The following ATP12A variants were observed in gnomAD, a reference collection of about 807,000 sequenced individuals.
ATP12A encodes ATPase H+/K+ transporting non-gastric alpha2 subunit.
ATP12A carries 81 observed loss-of-function variants against 111.2 expected under a neutral mutation model. The ratio of observed to expected loss-of-function variants is 0.73; its 90% CI spans 0.61 to 0.88. The LOEUF is 0.88. ATP12A is among the 40% of genes least tolerant of loss of function. The pLI, the probability that ATP12A is intolerant of heterozygous loss-of-function variation, is 0.00. For synonymous variants in ATP12A, 498 were observed against 499.8 expected (o/e 1.00, Z 0.05); for missense variants, 1,196 against 1,313.1 (o/e 0.91, Z 1.38).
intron 11 of ATP12A, among the ~76,000 whole-genome samples, chr13:24,695,571 C>T (rs1044424944): frequency 3.5e-5 from 5 of 142,452 alleles, no homozygotes; most frequent in South Asian, 2.4e-4. Context: ...TGTCTTAGTT[C>T]GGATGGAATT....
chr13:24,708,942 A>AAAGAAAGAAAGGAAGG (rs1555255690), intron 17 of ATP12A, among the ~76,000 whole-genome samples: 17 of 107,790 alleles, frequency 1.6e-4, no homozygotes, highest in African/African-American at 6.0e-4. Context: ...AGAAAGAAAG[A>AAAGAAAGAAAGGAAGG]AAGAAAGAAA....
chr13:24,682,272 AGT>A (rs1291336128), intron 2 of ATP12A, among the ~76,000 whole-genome samples: 10 of 54,472 alleles, frequency 1.8e-4, no homozygotes, highest in Admixed American at 4.2e-4. Context: ...GTGTGTGTGT[AGT>A]GTGTGGTGTG....
At chr13:24,708,626 G>GCTACAGGAGTCCTAGCTACATTGGC (rs1271051485) in intron 17 of ATP12A, among the ~76,000 whole-genome samples, 8 of 152,056 alleles carry the variant, frequency 5.3e-5, no homozygotes, top group Admixed American at 5.2e-4. Context: ...CTGTAGCCTA[G>GCTACAGGAGTCCTAGCTACATTGGC]CTACTCAGGA....
chr13:24,709,647 C>G, intron 18 of ATP12A, 36 bp from the exon 19 acceptor site: 4 of 1,609,006 alleles, frequency 2.5e-6, no homozygotes, highest in East Asian at 2.2e-5. Context: ...CTGAGGCCAT[C>G]ATAGAACCTG....
chr13:24,711,379 C>A lies in ATP12A; in HGVS notation c.3061C>A (p.Arg1021=), dbSNP rs143767595. The A allele has an allele frequency of 5.0e-6, 8 of 1,612,110 alleles. No homozygotes were observed. The highest frequency in any genetic ancestry group is 6.8e-6 in the Non-Finnish European group (8 of 1,179,106). Residue 1021 remains arginine, a synonymous_variant, in exon 22 of 23, where the codon CGG becomes AGG. Transcript: ENST00000381946. ...CCTGATCTGGGTGTATGATGAGGTG[C>A]GGAAGCTCTTCATCAGGCTCTACCC... ...AILIWVYDEV[R]KLFIRLYPGS...
Position 24,680,769 on chromosome 13 carries a change from C to T in ATP12A, c.9+17C>T, listed in dbSNP as rs1188954082. 13 of 1,488,336 alleles carry T rather than the reference C, an allele frequency of 8.7e-6. No homozygotes were observed. The highest frequency in any genetic ancestry group is 2.2e-5 in the Admixed American group (1 of 44,476). The allele number at this position is 1,488,336 out of a possible 1,614,324, so 92.2% of individuals were successfully genotyped here. ...ATGCACCAGGTGCGTGCAGCCCCCGCGCCGGCCGAGGATGCGAGACGCTGG... is the reference window on the plus strand; with the variant it reads ...ATGCACCAGGTGCGTGCAGCCCCCGTGCCGGCCGAGGATGCGAGACGCTGG... On this transcript the variant is annotated intron_variant, in intron 1 of 22. Coordinates refer to ENST00000381946, the MANE Select transcript of ATP12A (RefSeq NM_001676.7).
chr13:24,705,639 A>G (rs1288749309), intron 14 of ATP12A, among the ~76,000 whole-genome samples: 1 of 152,186 alleles, frequency 6.6e-6, no homozygotes, highest in Non-Finnish European at 1.5e-5. Context: ...TCTAGGACCC[A>G]AAACATATGA....
chr13:24,687,149 C>A (rs1321997361), intron 3 of ATP12A, among the ~76,000 whole-genome samples: 1 of 151,846 alleles, frequency 6.6e-6, no homozygotes, highest in Non-Finnish European at 1.5e-5. Context: ...AGCATGAGAC[C>A]CGGGAGAGAA....
At chr13:24,702,538 G>C (rs925614643) in intron 14 of ATP12A, among the ~76,000 whole-genome samples, 5 of 152,106 alleles carry the variant, frequency 3.3e-5, no homozygotes, top group Admixed American at 1.3e-4. Context: ...TTTTTATTTG[G>C]TAATAGATAG....
intron 17 of ATP12A, among the ~76,000 whole-genome samples, chr13:24,708,905 GAAA>G (rs1875799660): frequency 1.5e-5 from 1 of 68,386 alleles, no homozygotes; most frequent in Admixed American, 1.6e-4. Flanking sequence ...AGAAAGGAAA[GAAA>G]GAAAGAAAGA....
At chr13:24,689,465 G>C (rs1874790752) in intron 5 of ATP12A, 90 bp downstream of exon 5, 4 of 1,105,106 alleles carry the variant, frequency 3.6e-6, no homozygotes, top group Non-Finnish European at 5.4e-6. Flanking sequence ...GAGGGCTACG[G>C]GTTTCCACTT....
At chr13:24,688,667 C>A in intron 4 of ATP12A, 145 bp downstream of exon 4, 1 of 820,490 alleles carries the variant, frequency 1.2e-6, no homozygotes, top group Non-Finnish European at 1.8e-6. Flanking sequence ...TTCTATCTGG[C>A]TTTCTGATCT....
chr13:24,696,180 C>T lies in ATP12A; in HGVS notation c.1512+1602C>T, dbSNP rs532077203. On this transcript the variant is annotated intron_variant, in intron 11 of 22. Transcript: ENST00000381946. Reference sequence around the variant, plus strand: ...ACAAGTATTAAATTATTCATTCGCACGACAACACTGTGGGGTGGCTAGAGG... The same window carrying T: ...ACAAGTATTAAATTATTCATTCGCATGACAACACTGTGGGGTGGCTAGAGG... Among the ~76,000 whole-genome samples, 22 of 152,170 alleles carry T rather than the reference C, an allele frequency of 1.4e-4. 1 individual carries two copies. Among genetic ancestry groups the T allele is most frequent in the South Asian group, 4.1e-4 (2 of 4,824 alleles).
At position 24,708,941 on chromosome 13, in the gene ATP12A, G is replaced by GAAAGA. The variant is rs1555255688; in HGVS notation, c.2494-420_2494-416dup. 8.6e-4 allele frequency among the ~76,000 whole-genome samples: 123 copies of GAAAGA among 143,850 alleles called. 3 individuals are homozygous for GAAAGA. The highest frequency in any genetic ancestry group is 1.7e-3 in the Admixed American group (25 of 14,762). The allele number at this position is 143,850 out of a possible 152,430, so 94.4% of individuals were successfully genotyped here. A position where few individuals can be genotyped will look rare whatever the true frequency, so the allele number is the denominator to read the frequency against. ...AGAAAGAAAGAAAGAAAGAAAGAAA[G>GAAAGA]AAAGAAAGAAAGAAAGAAAGAAGGA... On this transcript the variant is annotated intron_variant, in intron 17 of 22. Coordinates refer to ENST00000381946, the MANE Select transcript of ATP12A (RefSeq NM_001676.7).
Position 24,692,545 on chromosome 13 carries a change from A to G in ATP12A, c.1185A>G (p.Thr395=), listed in dbSNP as rs775638009. The change falls in exon 9 of 23, where the codon ACA becomes ACG. Residue 395 remains threonine (T), a synonymous_variant. Coordinates refer to ENST00000381946, the MANE Select transcript of ATP12A (RefSeq NM_001676.7). ...TSIICSDKTG[T]LTQNRMTVAH... ...TCATCTGCTCGGACAAGACTGGGACACTGACCCAGAACAGGATGACAGTGG... is the reference window on the plus strand; with the variant it reads ...TCATCTGCTCGGACAAGACTGGGACGCTGACCCAGAACAGGATGACAGTGG... The G allele has an allele frequency of 6.2e-7, 1 of 1,614,186 alleles. No individual in the cohort carries two copies. The highest frequency in any genetic ancestry group is 1.3e-5 in the African/African-American group (1 of 75,050).
chr13:24,707,339 C>A lies in ATP12A; in HGVS notation c.2399C>A (p.Ala800Asp). ...TIAYSLTKNI[A>D]ELCPFLIYII... Reference sequence around the variant, plus strand: ...GCTTATTCCCTGACCAAGAACATTGCCGAGCTGTGCCCCTTTCTGATCTAC... The same window carrying A: ...GCTTATTCCCTGACCAAGAACATTGACGAGCTGTGCCCCTTTCTGATCTAC... Residue 800 changes from alanine (A) to aspartate (D), a missense_variant, in exon 17 of 23, where the codon GCC becomes GAC. Ala to Asp is a moderately radical substitution (Grantham distance 126). Transcript: ENST00000381946. The A allele has an allele frequency of 6.2e-7, 1 of 1,614,218 alleles. No homozygotes were observed. Among genetic ancestry groups the A allele is most frequent in the South Asian group, 1.1e-5 (1 of 91,088 alleles).
At position 24,692,559 on chromosome 13, in the gene ATP12A, G is replaced by A; in HGVS notation, c.1199G>A (p.Arg400Lys). ...AAGACTGGGACACTGACCCAGAACA[G>A]GATGACAGTGGCCCATCTGTGGTTC... is the stretch of plus-strand genomic sequence containing the variant. The part of the protein sequence containing the change: ...SDKTGTLTQN[R>K]MTVAHLWFDN... The change falls in exon 9 of 23, where the codon AGG becomes AAG. Residue 400 changes from arginine (R) to lysine (K), a missense_variant. This residue lies in a region of ATP12A where 1,126 missense variants were observed against 1,228.5 expected (regional missense o/e 0.92). Transcript: ENST00000381946. 6.2e-7 allele frequency: 1 copy of A among 1,614,180 alleles called. No individual in the cohort carries two copies. The highest frequency in any genetic ancestry group is 8.5e-7 in the Non-Finnish European group (1 of 1,180,032).
At chr13:24,709,547 TG>T (rs1246279929) in intron 18 of ATP12A, 60 bp downstream of exon 18, 5 of 1,597,380 alleles carry the variant, frequency 3.1e-6, no homozygotes, top group Non-Finnish European at 4.3e-6. Flanking sequence ...TTCACTGGAG[TG>T]GGGGGCACAG....
rs746901315 is a variant in ATP12A at position 24,688,451 on chromosome 13, G to T, written c.361G>T (p.Val121Leu). Residue 121 changes from valine to leucine, a missense_variant, in exon 4 of 23, where the codon GTG (valine) becomes TTG (leucine). Coordinates refer to ENST00000381946, the MANE Select transcript of ATP12A (RefSeq NM_001676.7). ...GGGGGGGTTCTCTATCCTCCTGTGG[G>T]TGGGCGCCTTTCTCTGTTGGATTGC... Reference protein sequence around the residue: ...MVGGFSILLWVGAFLCWIAYG... With the variant: ...MVGGFSILLWLGAFLCWIAYG... The T allele has an allele frequency of 6.2e-7, 1 of 1,613,926 alleles. No homozygotes were observed. The highest frequency in any genetic ancestry group is 8.5e-7 in the Non-Finnish European group (1 of 1,179,952).
Sources: gnomAD v4.1 joint callset for allele counts (sites outside exome capture counted in the v4.1 genomes callset) on GRCh38, gnomAD v4.1.1 for gene constraint, gnomAD v4.1.1 regional missense constraint, MANE v1.5 for transcripts, NCBI Gene and HGNC (gene_info 2026-07-23, HGNC 2026-07-21) for gene names.